SORCS2: variants seen among roughly 807,000 people sequenced by gnomAD.
SORCS2 encodes sortilin related VPS10 domain containing receptor 2.
A neutral mutation model predicts 141.6 loss-of-function variants in SORCS2; 100 were observed. That is an observed-to-expected ratio of 0.71 (90% CI 0.60 to 0.83). The LOEUF is 0.83. SORCS2 is among the 40% of genes least tolerant of loss of function. The pLI is 0.00. For missense variants in SORCS2, 1,646 were observed against 1,560.2 expected (o/e 1.05, Z -0.93); for synonymous variants, 789 against 676.9 (o/e 1.17, Z -2.57).
intron 1 of SORCS2, among the ~76,000 whole-genome samples, chr4:7,224,570 A>G (rs560131889): frequency 6.6e-6 from 1 of 152,366 alleles, no homozygotes; most frequent in East Asian, 1.9e-4. Context: ...ACACTTTTAA[A>G]TAACCAGATC....
chr4:7,654,066 C>CCA, intron 4 of SORCS2, 68 bp from the exon 5 acceptor site: 5 of 1,379,280 alleles, frequency 3.6e-6, no homozygotes, highest in Non-Finnish European at 5.0e-6. Context: ...GAAGACATCA[C>CCA]CCTCTCTCAG....
chr4:7,433,902 C>A, intron 2 of SORCS2: 1 of 1,613,860 alleles, frequency 6.2e-7, no homozygotes, highest in Non-Finnish European at 8.5e-7. Flanking sequence ...CAGGCATTAC[C>A]GAGCACACGC....
chr4:7,317,527 A>G (rs1250468876), intron 1 of SORCS2, among the ~76,000 whole-genome samples: 1 of 152,132 alleles, frequency 6.6e-6, no homozygotes, highest in African/African-American at 2.4e-5. Context: ...CCAGGTGGCC[A>G]CTTCTTCCTC....
At chr4:7,500,366 C>T (rs1731890544) in intron 2 of SORCS2, among the ~76,000 whole-genome samples, 1 of 152,166 alleles carries the variant, frequency 6.6e-6, no homozygotes, top group South Asian at 2.1e-4. Flanking sequence ...CAGCGCCAAA[C>T]CCTCTGCCTG....
chr4:7,738,918 G>A (rs1245818614), intron 26 of SORCS2, among the ~76,000 whole-genome samples: 1 of 152,100 alleles, frequency 6.6e-6, no homozygotes, highest in East Asian at 1.9e-4. Context: ...CACCCCCGGT[G>A]GGGGTCCCTT....
At chr4:7,211,812 G>T (rs1196427298) in intron 1 of SORCS2, among the ~76,000 whole-genome samples, 1 of 152,208 alleles carries the variant, frequency 6.6e-6, no homozygotes, top group East Asian at 1.9e-4. Context: ...AGAGGCGGGG[G>T]GCCCCTGGGA....
intron 2 of SORCS2, among the ~76,000 whole-genome samples, chr4:7,420,476 A>G (rs1308969758): frequency 6.6e-6 from 1 of 152,182 alleles, no homozygotes; most frequent in Non-Finnish European, 1.5e-5. Context: ...TCCAGTTGGC[A>G]CAGCAGCCAG....
At chr4:7,695,562 GCATGGA>G (rs1408854330) in intron 11 of SORCS2, among the ~76,000 whole-genome samples, 11 of 4,252 alleles carry the variant, frequency 2.6e-3, no homozygotes, top group African/African-American at 0.01. Context: ...ATGGATGGAT[GCATGGA>G]TGGATGGATG....
intron 3 of SORCS2, among the ~76,000 whole-genome samples, chr4:7,615,148 CTCAT>C (rs112636992): frequency 1.0e-3 from 157 of 152,322 alleles, no homozygotes; most frequent in Middle Eastern, 6.8e-3. Flanking sequence ...CATCCATTCA[CTCAT>C]TCATTCATTC....
intron 3 of SORCS2, among the ~76,000 whole-genome samples, chr4:7,609,886 C>T (rs1718297749): frequency 6.6e-6 from 1 of 152,262 alleles, no homozygotes; most frequent in Non-Finnish European, 1.5e-5. Context: ...CCAATGCCAT[C>T]TGCCCTGCAC....
intron 2 of SORCS2, among the ~76,000 whole-genome samples, chr4:7,451,108 G>A (rs1272922432): frequency 6.6e-6 from 1 of 152,186 alleles, no homozygotes; most frequent in Non-Finnish European, 1.5e-5. Flanking sequence ...GAGTGAATGA[G>A]TGAGTGAATG....
intron 2 of SORCS2, chr4:7,430,618 T>A (rs921594771): frequency 6.6e-6 from 1 of 152,174 alleles, no homozygotes; most frequent in Admixed American, 6.5e-5. Context: ...GCCCTCTCCC[T>A]CCTCCCAGGC....
intron 4 of SORCS2, among the ~76,000 whole-genome samples, chr4:7,640,713 C>T (rs535422127): frequency 2.0e-4 from 31 of 152,124 alleles, no homozygotes; most frequent in African/African-American, 7.5e-4. Flanking sequence ...GACATAGATA[C>T]ATTTTGGGGG....
intron 13 of SORCS2, among the ~76,000 whole-genome samples, chr4:7,703,870 A>T (rs147157904): frequency 6.6e-6 from 1 of 152,288 alleles, no homozygotes; most frequent in East Asian, 1.9e-4. Context: ...GCACTACAAT[A>T]CCGGCCCTAC....
intron 1 of SORCS2, among the ~76,000 whole-genome samples, chr4:7,195,010 C>T (rs1020911429): frequency 6.6e-6 from 1 of 151,748 alleles, no homozygotes; most frequent in South Asian, 2.1e-4. Flanking sequence ...TGCAGGGCAG[C>T]TTCCTGGGAG....
intron 1 of SORCS2, among the ~76,000 whole-genome samples, chr4:7,259,519 C>G (rs1026205950): frequency 3.9e-5 from 6 of 152,224 alleles, no homozygotes; most frequent in African/African-American, 1.2e-4. Flanking sequence ...TTCCCTGGAA[C>G]AGGAGCTGTC....
intron 25 of SORCS2, 48 bp downstream of exon 25, chr4:7,734,422 G>A (rs996013906): frequency 1.3e-5 from 17 of 1,329,058 alleles, no homozygotes; most frequent in Admixed American, 7.8e-5. Context: ...CCATGGGGCC[G>A]TAGGAAGCCA....
intron 1 of SORCS2, among the ~76,000 whole-genome samples, chr4:7,342,907 G>A (rs766944124): frequency 2.0e-5 from 3 of 152,202 alleles, no homozygotes; most frequent in Non-Finnish European, 4.4e-5. Flanking sequence ...CCTTGAAGGT[G>A]GTGATGCCTG....
chr4:7,580,580 C>T (rs960805351), intron 3 of SORCS2, among the ~76,000 whole-genome samples: 1 of 152,044 alleles, frequency 6.6e-6, no homozygotes, highest in Admixed American at 6.6e-5. Context: ...CAGAAAGTTT[C>T]AGGGATATAT....
Sources: gnomAD v4.1 joint callset for allele counts (sites outside exome capture counted in the v4.1 genomes callset) on GRCh38, gnomAD v4.1.1 for gene constraint, MANE v1.5 for transcripts, NCBI Gene and HGNC (gene_info 2026-07-23, HGNC 2026-07-21) for gene names.